The following NR1H4 variants were observed in gnomAD, a reference collection of about 807,000 sequenced individuals.
The protein encoded by NR1H4 is bile acid receptor.
In NR1H4, 23 loss-of-function variants were observed where a neutral mutation model predicts 58.5. That is an observed-to-expected ratio of 0.39 (90% confidence interval 0.28 to 0.56). The LOEUF is 0.56. Among genes scored for constraint, NR1H4 ranks in the 20% least tolerant of loss-of-function variants. The pLI is 0.58. For synonymous variants in NR1H4, 214 were observed against 198.0 expected, an observed-to-expected ratio of 1.08 and a Z score of -0.68; for missense variants, 487 against 576.9, an observed-to-expected ratio of 0.84 and a Z score of 1.60.
At chr12:100,555,803 C>A (rs1262210832) in intron 9 of NR1H4, among the ~76,000 whole-genome samples, 1 of 152,186 alleles carries the variant, frequency 6.6e-6, no homozygotes, top group Non-Finnish European at 1.5e-5. Context: ...AAACTCAGAG[C>A]TAGCTTATGA....
chr12:100,551,963 G>C (rs1955212841), intron 9 of NR1H4, among the ~76,000 whole-genome samples: 1 of 152,152 alleles, frequency 6.6e-6, no homozygotes, highest in African/African-American at 2.4e-5. Context: ...ATAATGACAA[G>C]AAAAAAGTCT....
chr12:100,504,802 G>T (rs1953919323), intron 3 of NR1H4, among the ~76,000 whole-genome samples: 1 of 152,198 alleles, frequency 6.6e-6, no homozygotes, highest in Non-Finnish European at 1.5e-5. Context: ...GCACTCTTAG[G>T]TAGTATCTCA....
intron 9 of NR1H4, among the ~76,000 whole-genome samples, chr12:100,546,426 T>C (rs1396914300): frequency 6.6e-6 from 1 of 152,082 alleles, no homozygotes; most frequent in Non-Finnish European, 1.5e-5. Flanking sequence ...CCGGGCGCGG[T>C]GGCTCATGCT....
intron 8 of NR1H4, among the ~76,000 whole-genome samples, chr12:100,538,959 G>A (rs1266055477): frequency 6.6e-6 from 1 of 152,210 alleles, no homozygotes; most frequent in Non-Finnish European, 1.5e-5. Flanking sequence ...AGTAAAAACT[G>A]TGGAGGAAAG....
intron 10 of NR1H4, 142 bp from the exon 11 acceptor site, chr12:100,563,109 T>C: frequency 1.5e-6 from 1 of 688,894 alleles, no homozygotes; most frequent in Non-Finnish European, 2.5e-6. Flanking sequence ...GCATAAAAAT[T>C]CATCAGGTTG....
rs781671294 is a variant in NR1H4 at position 100,563,294 on chromosome 12, G to A, written c.1236G>A (p.Gln412=). 1.2e-6 allele frequency: 2 copies of A among 1,613,962 alleles called. No individual in the cohort carries two copies. Among genetic ancestry groups the A allele is most frequent in the Non-Finnish European group, 1.7e-6 (2 of 1,179,978 alleles). The change falls in exon 11 of 11, where the codon CAG becomes CAA. Residue 412 remains glutamine (Q), a synonymous_variant. Transcript: ENST00000392986. ...IKDREAVEKL[Q]EPLLDVLQKL... ...ATAGAGAGGCAGTAGAGAAGCTTCAGGAGCCACTTCTTGATGTGCTACAAA... is the reference window on the plus strand; with the variant it reads ...ATAGAGAGGCAGTAGAGAAGCTTCAAGAGCCACTTCTTGATGTGCTACAAA...
At position 100,563,561 on chromosome 12, in the gene NR1H4, T is replaced by C. The variant is rs1002015705; in HGVS notation, c.*72T>C. Reference sequence around the variant, plus strand: ...AATCTGATGTATAACTTTCCTTTATTTCACTTGTACCCAGTTTCACTCAAG... The same window carrying C: ...AATCTGATGTATAACTTTCCTTTATCTCACTTGTACCCAGTTTCACTCAAG... On this transcript the variant is annotated 3_prime_UTR_variant, in exon 11 of 11. Coordinates refer to ENST00000392986, the MANE Select transcript of NR1H4 (RefSeq NM_001206979.2). 1.3e-5 allele frequency: 16 copies of C among 1,191,658 alleles called. No homozygotes were observed. The highest frequency in any genetic ancestry group is 1.9e-5 in the Non-Finnish European group (15 of 796,432). The allele number at this position is 1,191,658 out of a possible 1,614,324, so 73.8% of individuals were successfully genotyped here.
chr12:100,515,165 C>CTTTTTTT (rs59404984), intron 4 of NR1H4, among the ~76,000 whole-genome samples: 9 of 94,862 alleles, frequency 9.5e-5, no homozygotes, highest in Non-Finnish European at 1.4e-4. Context: ...TTTGTCAAAG[C>CTTTTTTT]TTTTTTTTTT....
chr12:100,545,648 A>AAAAAAAAAAAAC (rs1955044868), intron 9 of NR1H4, among the ~76,000 whole-genome samples: 1 of 144,698 alleles, frequency 6.9e-6, no homozygotes, highest in African/African-American at 2.7e-5. Context: ...TCTCAAAAAA[A>AAAAAAAAAAAAC]AAAAAAAAAA....
At chr12:100,548,359 T>G (rs1198928613) in intron 9 of NR1H4, among the ~76,000 whole-genome samples, 1 of 140,212 alleles carries the variant, frequency 7.1e-6, no homozygotes, top group Non-Finnish European at 1.5e-5. Flanking sequence ...AGAGCAAGAC[T>G]CCATCTCAAT....
chr12:100,478,081 T>C (rs928735391), intron 1 of NR1H4, among the ~76,000 whole-genome samples: 5 of 152,084 alleles, frequency 3.3e-5, no homozygotes, highest in African/African-American at 7.2e-5. Context: ...ATGTAAACTA[T>C]AGTCCTTCGC....
chr12:100,483,921 T>C lies in NR1H4; in HGVS notation c.-189-8582T>C, dbSNP rs1461832481. The stretch of plus-strand genomic sequence containing the variant: ...ATCACTTGAACCCGGGAGATGAAGA[T>C]TGCAGTGAACTGAGGTCGTGCCACT... On this transcript the variant is annotated intron_variant, in intron 1 of 10. Transcript: ENST00000392986. 3.7e-4 allele frequency among the ~76,000 whole-genome samples: 55 copies of C among 149,128 alleles called. 1 individual carries two copies. The Admixed American group carries it at 3.7e-3, about 10-fold the overall frequency.
chr12:100,510,814 A>G lies in NR1H4; in HGVS notation c.116A>G (p.Gln39Arg). 6.2e-7 allele frequency: 1 copy of G among 1,614,124 alleles called. No individual in the cohort carries two copies. Among genetic ancestry groups the G allele is most frequent in the South Asian group, 1.1e-5 (1 of 91,082 alleles). Residue 39 changes from glutamine to arginine, a missense_variant, in exon 4 of 11, where the codon CAG becomes CGG. Gln to Arg is a conservative substitution (Grantham distance 43). Transcript: ENST00000392986. ...LTEQVAGPLG[Q>R]NLEVEPYSQY... ...GAACAAGTGGCAGGTCCTCTGGGAC[A>G]GAACCTGGAAGTGGAACCATACTCG...
chr12:100,547,971 T>C (rs574465591), intron 9 of NR1H4, among the ~76,000 whole-genome samples: 127 of 150,846 alleles, frequency 8.4e-4, no homozygotes, highest in African/African-American at 2.1e-3. Context: ...TCGCCCGCCT[T>C]GGCCTCCCAA....
Position 100,561,354 on chromosome 12 carries a change from C to T in NR1H4, c.1079-531C>T, listed in dbSNP as rs530084121. 9.8e-4 allele frequency among the ~76,000 whole-genome samples: 149 copies of T among 152,082 alleles called. 1 individual carries two copies. The highest frequency in any genetic ancestry group is 3.3e-3 in the African/African-American group (138 of 41,456). ...CGGAGCTTGCTGTAAGCCGAGATCA[C>T]GCCACTGCACTCCAGCCTGGGTGAC... On this transcript the variant is annotated intron_variant, in intron 9 of 10. Coordinates refer to ENST00000392986, the MANE Select transcript of NR1H4 (RefSeq NM_001206979.2).
chr12:100,505,725 A>G, intron 3 of NR1H4: 1 of 633,280 alleles, frequency 1.6e-6, no homozygotes, highest in Non-Finnish European at 2.8e-6. Flanking sequence ...CTAAATTTTA[A>G]TATGTATTTT....
At chr12:100,506,064 G>A (rs997807578) in intron 3 of NR1H4, among the ~76,000 whole-genome samples, 1 of 150,628 alleles carries the variant, frequency 6.6e-6, no homozygotes. Context: ...GAGAACATGA[G>A]CATATGTTTA....
chr12:100,513,244 T>C (rs973189884), intron 4 of NR1H4, among the ~76,000 whole-genome samples: 1 of 152,202 alleles, frequency 6.6e-6, no homozygotes, highest in African/African-American at 2.4e-5. Flanking sequence ...GTCTTTTGAA[T>C]GACACAATGA....
At chr12:100,515,538 A>C (rs1457311554) in intron 4 of NR1H4, among the ~76,000 whole-genome samples, 1 of 152,174 alleles carries the variant, frequency 6.6e-6, no homozygotes, top group African/African-American at 2.4e-5. Context: ...ACTGAGGGTG[A>C]TTAGTTTGAA....
Sources: gnomAD v4.1 joint callset for allele counts (sites outside exome capture counted in the v4.1 genomes callset) on GRCh38, gnomAD v4.1.1 for gene constraint, MANE v1.5 for transcripts, NCBI Gene and HGNC (gene_info 2026-07-23, HGNC 2026-07-21) for gene names.